Variants in RORA observed in about 807,000 individuals in gnomAD.
RORA encodes nuclear receptor ROR-alpha.
Under a neutral mutation model 69.5 loss-of-function variants are expected in RORA, and 7 were observed. The observed-to-expected ratio is 0.10, with a 90% CI of 0.06 to 0.19. RORA has a LOEUF of 0.19. Ranked by LOEUF, RORA falls within the 10% of genes least tolerant of loss-of-function variation. The pLI is 1.00. For missense variants in RORA, 457 were observed against 663.0 expected (o/e 0.69, Z 3.41); for synonymous variants, 261 against 240.8 (o/e 1.08, Z -0.78).
At chr15:60,825,292 C>G (rs1304881494) in intron 1 of RORA, among the ~76,000 whole-genome samples, 1 of 152,138 alleles carries the variant, frequency 6.6e-6, no homozygotes, top group Non-Finnish European at 1.5e-5. Flanking sequence ...ACCACCCAAG[C>G]ACAGAGAAGG....
intron 1 of RORA, among the ~76,000 whole-genome samples, chr15:60,919,668 C>G (rs1225086746): frequency 6.6e-6 from 1 of 152,180 alleles, no homozygotes; most frequent in African/African-American, 2.4e-5. Flanking sequence ...GCAATGCCCC[C>G]CTACTAATAG....
At chr15:61,192,917 T>C (rs1024566397) in intron 1 of RORA, among the ~76,000 whole-genome samples, 4 of 152,302 alleles carry the variant, frequency 2.6e-5, no homozygotes, top group Non-Finnish European at 4.4e-5. Context: ...ATGGCAGTGA[T>C]TGGTCAACAG....
intron 2 of RORA, among the ~76,000 whole-genome samples, chr15:60,637,442 A>C (rs1287656771): frequency 6.6e-6 from 1 of 152,098 alleles, no homozygotes; most frequent in Non-Finnish European, 1.5e-5. Context: ...ATTTTTCTCT[A>C]TATTTCAATG....
intron 1 of RORA, among the ~76,000 whole-genome samples, chr15:60,873,757 T>A (rs988037501): frequency 6.6e-6 from 1 of 152,234 alleles, no homozygotes; most frequent in African/African-American, 2.4e-5. Context: ...ATTAGCTCTA[T>A]TAAGTTGAAA....
At chr15:61,202,514 C>T (rs1190651791) in intron 1 of RORA, among the ~76,000 whole-genome samples, 1 of 151,914 alleles carries the variant, frequency 6.6e-6, no homozygotes, top group Non-Finnish European at 1.5e-5. Context: ...TGATGCAATG[C>T]TGGCCTGGGT....
intron 1 of RORA, among the ~76,000 whole-genome samples, chr15:61,151,281 C>T (rs919214558): frequency 6.6e-6 from 1 of 152,186 alleles, no homozygotes; most frequent in African/African-American, 2.4e-5. Context: ...AGAGCCAGGC[C>T]TACACCCTGA....
chr15:61,194,432 G>C (rs2079828748), intron 1 of RORA, among the ~76,000 whole-genome samples: 1 of 151,700 alleles, frequency 6.6e-6, no homozygotes, highest in East Asian at 1.9e-4. Flanking sequence ...TAGTGGTGGT[G>C]CATGCCTGTA....
At chr15:60,648,535 C>T (rs2070092831) in intron 2 of RORA, among the ~76,000 whole-genome samples, 1 of 152,120 alleles carries the variant, frequency 6.6e-6, no homozygotes, top group South Asian at 2.1e-4. Flanking sequence ...ATGCCACATG[C>T]CATGGATTAA....
At chr15:61,058,708 C>T (rs9302222) in intron 1 of RORA, among the ~76,000 whole-genome samples, 40,078 of 152,068 alleles carry the variant, frequency 0.26, 5,667 homozygotes, top group Non-Finnish European at 0.32. Flanking sequence ...TGTCTAGGGC[C>T]TAGCACTTTG....
At chr15:60,887,506 G>C (rs2073764814) in intron 1 of RORA, among the ~76,000 whole-genome samples, 1 of 152,052 alleles carries the variant, frequency 6.6e-6, no homozygotes, top group East Asian at 1.9e-4. Context: ...CAGAGGAGCA[G>C]GAAAAAAGAG....
intron 1 of RORA, among the ~76,000 whole-genome samples, chr15:61,086,585 C>T (rs1219851068): frequency 6.6e-5 from 10 of 151,946 alleles, no homozygotes; most frequent in Non-Finnish European, 1.5e-4. Context: ...AATTTTGAGT[C>T]AAAATTTTAC....
chr15:61,192,066 A>G (rs760293725), intron 1 of RORA, among the ~76,000 whole-genome samples: 11 of 152,236 alleles, frequency 7.2e-5, no homozygotes, highest in Admixed American at 6.5e-4. Flanking sequence ...AGCATGTTGC[A>G]TGCAAACAGA....
At chr15:61,205,602 G>C (rs1403721619) in intron 1 of RORA, among the ~76,000 whole-genome samples, 1 of 152,164 alleles carries the variant, frequency 6.6e-6, no homozygotes, top group African/African-American at 2.4e-5. Flanking sequence ...AAGGGCAACA[G>C]GATACCTAAG....
chr15:60,875,870 A>G (rs2073608061), intron 1 of RORA, among the ~76,000 whole-genome samples: 1 of 152,148 alleles, frequency 6.6e-6, no homozygotes, highest in African/African-American at 2.4e-5. Flanking sequence ...GAGGTTAAAC[A>G]TTTTGGCTTT....
At chr15:61,159,605 G>A (rs1423970034) in intron 1 of RORA, among the ~76,000 whole-genome samples, 1 of 152,106 alleles carries the variant, frequency 6.6e-6, no homozygotes, top group Non-Finnish European at 1.5e-5. Context: ...TTTCCAATCA[G>A]GAAACCTAAC....
chr15:61,142,159 A>C (rs564458604), intron 1 of RORA, among the ~76,000 whole-genome samples: 11 of 146,094 alleles, frequency 7.5e-5, no homozygotes, highest in African/African-American at 2.3e-4. Flanking sequence ...TTTTTTTTTT[A>C]TTGTTGTTAC....
chr15:60,707,379 TTTG>T, intron 1 of RORA, among the ~76,000 whole-genome samples: 1 of 146,572 alleles, frequency 6.8e-6, no homozygotes, highest in Non-Finnish European at 1.5e-5. Context: ...TATTTATTTA[TTTG>T]AGATGGAGTC....
chr15:60,683,168 G>C (rs544677270), intron 1 of RORA, among the ~76,000 whole-genome samples: 1 of 152,096 alleles, frequency 6.6e-6, no homozygotes, highest in Non-Finnish European at 1.5e-5. Flanking sequence ...GTGGCACCAT[G>C]CCCAGAGAAT....
intron 1 of RORA, among the ~76,000 whole-genome samples, chr15:60,960,879 C>A (rs1221771920): frequency 1.3e-5 from 2 of 152,120 alleles, no homozygotes; most frequent in Non-Finnish European, 2.9e-5. Flanking sequence ...CTCAAAGCAA[C>A]CCAAGAGACC....
Sources: allele counts gnomAD v4.1 joint callset (sites outside exome capture counted in the v4.1 genomes callset), GRCh38; gene constraint gnomAD v4.1.1; transcripts MANE v1.5; gene names NCBI Gene and HGNC (gene_info 2026-07-23, HGNC 2026-07-21).